The following PARN variants were observed in gnomAD, a reference collection of about 807,000 sequenced individuals.
PARN encodes poly(A)-specific ribonuclease.
PARN carries 71 observed loss-of-function variants against 102.8 expected under a neutral mutation model. That is an observed-to-expected ratio of 0.69 (90% CI 0.57 to 0.84). The LOEUF (loss-of-function observed/expected upper bound fraction) is 0.84, where lower values mean the gene tolerates loss of function less well. Among genes scored for constraint, PARN ranks in the 40% least tolerant of loss-of-function variants. The pLI, the probability that PARN is intolerant of heterozygous loss-of-function variation, is 0.00. For synonymous variants in PARN, 261 were observed against 252.9 expected (o/e 1.03, Z -0.30); for missense variants, 782 against 760.9 (o/e 1.03, Z -0.33).
In PARN at chr16:14,463,848, G is replaced by C. The variant is rs1281795367; in HGVS notation, c.1671-16767C>G. Among the ~76,000 whole-genome samples, 8 of 139,542 alleles carry C rather than the reference G, an allele frequency of 5.7e-5. No individual in the cohort carries two copies. The East Asian group carries it at 1.4e-3, about 25-fold the overall frequency. 91.5% of individuals were successfully genotyped at this position (139,542 alleles called of 152,430 possible). On this transcript the variant is annotated intron_variant, in intron 22 of 23. Transcript: ENST00000437198. ...CCAAACTTTTTTTTTTGGGGGGGGG[G>C]GGACGACAAGGTCTCACTCTGTCAC...
At chr16:14,621,362 CTAT>C (rs896086017) in intron 5 of PARN, among the ~76,000 whole-genome samples, 2 of 152,216 alleles carry the variant, frequency 1.3e-5, no homozygotes, top group Non-Finnish European at 2.9e-5. Flanking sequence ...TCAGAGTCAT[CTAT>C]GCCTTTCCTG....
intron 21 of PARN, among the ~76,000 whole-genome samples, chr16:14,548,748 G>T (rs565376688): frequency 6.6e-5 from 10 of 152,034 alleles, no homozygotes; most frequent in Non-Finnish European, 7.4e-5. Context: ...TGAGGCCAGG[G>T]GTTCGAAATC....
chr16:14,582,654 T>C (rs1789242858), intron 16 of PARN, among the ~76,000 whole-genome samples: 1 of 151,830 alleles, frequency 6.6e-6, no homozygotes, highest in Non-Finnish European at 1.5e-5. Context: ...TTATACAAGA[T>C]GGTCACATCA....
At chr16:14,583,900 T>G (rs1969682021) in intron 16 of PARN, among the ~76,000 whole-genome samples, 1 of 152,152 alleles carries the variant, frequency 6.6e-6, no homozygotes, top group South Asian at 2.1e-4. Flanking sequence ...CTAAACCAGC[T>G]GAAAAGGAGG....
At chr16:14,618,024 T>A (rs1972036382) in intron 5 of PARN, among the ~76,000 whole-genome samples, 1 of 152,070 alleles carries the variant, frequency 6.6e-6, no homozygotes, top group African/African-American at 2.4e-5. Context: ...TAATATTTTT[T>A]AAAAATCTAC....
rs372489171 is a variant in PARN, at chr16:14,482,647, C to A, written c.1661G>T (p.Arg554Leu). ...AGCTGAGAGCTCTTACCTATTGTTG[C>A]GGTAATAGTGATTCTGCAGGGTGTA... ...IPYTLQNHYY[R>L]NNSFTAPSTV... is the part of the protein sequence containing the mutation. The change falls in exon 22 of 24, where the codon CGC (arginine) becomes CTC (leucine). Residue 554 changes from arginine to leucine, a missense_variant. Coordinates refer to ENST00000437198, the MANE Select transcript of PARN (RefSeq NM_002582.4). 2.3e-5 allele frequency: 37 copies of A among 1,601,368 alleles called. 1 individual carries two copies. The highest frequency in any genetic ancestry group is 2.3e-4 in the South Asian group (20 of 88,164).
At chr16:14,466,534 G>C in intron 22 of PARN, among the ~76,000 whole-genome samples, 1 of 152,146 alleles carries the variant, frequency 6.6e-6, no homozygotes. Flanking sequence ...ACAGAGGATG[G>C]ACCAGATCAC....
chr16:14,577,328 C>T (rs914802366), intron 18 of PARN, among the ~76,000 whole-genome samples: 3 of 152,132 alleles, frequency 2.0e-5, no homozygotes, highest in Non-Finnish European at 4.4e-5. Flanking sequence ...TCCTAAATCA[C>T]CTGCAAGTAA....
chr16:14,617,382 C>CA lies in PARN; in HGVS notation c.388+207dup, dbSNP rs66483121. On this transcript the variant is annotated intron_variant, in intron 6 of 23. Transcript: ENST00000437198. ...CTGGGCAACAGAGCGAGACTCTTCTCAAAAAAAAAAAAAAAAAAAAAATCA... is the reference window on the plus strand; with the variant it reads ...CTGGGCAACAGAGCGAGACTCTTCTCAAAAAAAAAAAAAAAAAAAAAAATCA... 7.3e-3 allele frequency among the ~76,000 whole-genome samples: 672 copies of CA among 91,688 alleles called. 7 individuals carry two copies. The highest frequency in any genetic ancestry group is 0.035 in the East Asian group (106 of 3,050). 60.2% of individuals were successfully genotyped at this position (91,688 alleles called of 152,430 possible). A position where few individuals can be genotyped will look rare whatever the true frequency, so the allele number is the denominator to read the frequency against.
At chr16:14,586,676 G>A (rs1426852117) in intron 13 of PARN, among the ~76,000 whole-genome samples, 1 of 152,130 alleles carries the variant, frequency 6.6e-6, no homozygotes, top group Admixed American at 6.6e-5. Context: ...TATTTGAGAG[G>A]CCTGTAATAA....
intron 22 of PARN, among the ~76,000 whole-genome samples, chr16:14,461,388 C>T (rs982038876): frequency 1.1e-4 from 16 of 152,224 alleles, no homozygotes; most frequent in African/African-American, 3.1e-4. Flanking sequence ...CTTCTTCTTG[C>T]CATGTAACTT....
chr16:14,486,843 G>GT (rs1367603653), intron 21 of PARN, among the ~76,000 whole-genome samples: 1 of 152,244 alleles, frequency 6.6e-6, no homozygotes, highest in African/African-American at 2.4e-5. Flanking sequence ...AGGCTGCTGG[G>GT]TAAAACTAAC....
At chr16:14,439,811 C>T (rs1045927692) in intron 23 of PARN, among the ~76,000 whole-genome samples, 21 of 151,914 alleles carry the variant, frequency 1.4e-4, no homozygotes, top group East Asian at 5.8e-4. Context: ...GTCAGGGGTT[C>T]GAGACCACCC....
chr16:14,470,186 A>G (rs1005927771), intron 22 of PARN, among the ~76,000 whole-genome samples: 6 of 152,186 alleles, frequency 3.9e-5, no homozygotes, highest in African/African-American at 1.4e-4. Flanking sequence ...ACTTAGCTTC[A>G]TGTTATTTAA....
At chr16:14,461,605 T>C (rs1228933586) in intron 22 of PARN, among the ~76,000 whole-genome samples, 1 of 152,258 alleles carries the variant, frequency 6.6e-6, no homozygotes, top group Non-Finnish European at 1.5e-5. Flanking sequence ...TCATTTATGC[T>C]GATAAGTTGC....
intron 6 of PARN, among the ~76,000 whole-genome samples, chr16:14,611,092 G>A (rs1971495099): frequency 1.3e-5 from 2 of 152,234 alleles, no homozygotes; most frequent in Non-Finnish European, 2.9e-5. Flanking sequence ...GCTCTGTAGT[G>A]AAGGGAACTA....
chr16:14,596,579 A>T (rs1970527004), intron 12 of PARN, among the ~76,000 whole-genome samples: 2 of 151,552 alleles, frequency 1.3e-5, no homozygotes, highest in South Asian at 2.1e-4. Context: ...CCACAAAAAA[A>T]ATATATATAT....
At chr16:14,458,300 C>G (rs577082632) in intron 22 of PARN, among the ~76,000 whole-genome samples, 1 of 152,156 alleles carries the variant, frequency 6.6e-6, no homozygotes, top group South Asian at 2.1e-4. Flanking sequence ...TAAAATTTAC[C>G]TTTTGACTTC....
At chr16:14,580,669 T>C (rs1969476774) in intron 18 of PARN, among the ~76,000 whole-genome samples, 2 of 148,694 alleles carry the variant, frequency 1.3e-5, no homozygotes, top group South Asian at 4.2e-4. Context: ...AATGTTTTCT[T>C]TTTTTTTTTT....
Sources: allele counts gnomAD v4.1 joint callset (sites outside exome capture counted in the v4.1 genomes callset), GRCh38; gene constraint gnomAD v4.1.1; transcripts MANE v1.5; gene names NCBI Gene and HGNC (gene_info 2026-07-23, HGNC 2026-07-21).